Variants in SOD2 observed in about 807,000 individuals in gnomAD.
The protein encoded by SOD2 is superoxide dismutase [Mn], mitochondrial.
SOD2 carries 11 observed loss-of-function variants against 27.0 expected under a neutral mutation model. The ratio of observed to expected loss-of-function variants is 0.41; its 90% confidence interval spans 0.26 to 0.67. The LOEUF (loss-of-function observed/expected upper bound fraction) is 0.67, where lower values mean the gene tolerates loss of function less well. Ranked by LOEUF, SOD2 falls within the 30% of genes least tolerant of loss-of-function variation. The probability of loss-of-function intolerance (pLI) is 0.34; values close to 1 mark genes in which losing one functional copy is unlikely to be tolerated. For synonymous variants in SOD2, 105 were observed against 103.0 expected, an observed-to-expected ratio of 1.02 and a Z score of -0.12; for missense variants, 250 against 274.5, an observed-to-expected ratio of 0.91 and a Z score of 0.63.
intron 1 of SOD2, chr6:159,743,549 T>TA (rs1428251997): frequency 1.0e-6 from 1 of 1,001,672 alleles, no homozygotes; most frequent in East Asian, 2.7e-5. Flanking sequence ...TAAAAGTAGT[T>TA]AGGATGGAAA....
chr6:159,727,792 G>A (rs188148278), upstream of SOD2: 992 of 934,712 alleles, frequency 1.1e-3, 7 homozygotes, highest in African/African-American at 0.016. Flanking sequence ...GGTAAGGGGC[G>A]GGCAGGGCCC....
intron 1 of SOD2, among the ~76,000 whole-genome samples, chr6:159,725,047 C>T (rs1778122602): frequency 6.6e-6 from 1 of 152,148 alleles, no homozygotes; most frequent in African/African-American, 2.4e-5. Flanking sequence ...AAAGAACCAA[C>T]TTTCCCTATG....
At chr6:159,705,968 T>C (rs1164951166) in intron 1 of SOD2, among the ~76,000 whole-genome samples, 1 of 152,146 alleles carries the variant, frequency 6.6e-6, no homozygotes, top group Non-Finnish European at 1.5e-5. Flanking sequence ...ATATTCAACG[T>C]TTTTAAAGAA....
intron 2 of SOD2, chr6:159,692,305 C>G: frequency 1.2e-6 from 1 of 822,916 alleles, no homozygotes; most frequent in Non-Finnish European, 1.7e-6. Flanking sequence ...ACAACAAGAA[C>G]AATTTCAATT....
At position 159,681,158 on chromosome 6, in the gene SOD2, C is replaced by T. The variant is rs2114759363; in HGVS notation, c.*1335G>A. On this transcript the variant is annotated 3_prime_UTR_variant, in exon 5 of 5. Coordinates refer to ENST00000538183, the MANE Select transcript of SOD2 (RefSeq NM_000636.4). Reference sequence around the variant, plus strand: ...ATCCCTGTGAGACGGAGCAGGGACCCCTCTTTGGGGTGTGCCAGGGGGATT... The same window carrying T: ...ATCCCTGTGAGACGGAGCAGGGACCTCTCTTTGGGGTGTGCCAGGGGGATT... The T allele has an allele frequency of 7.0e-6, 1 of 143,270 alleles. No homozygotes were observed. The highest frequency in any genetic ancestry group is 2.2e-4 in the South Asian group (1 of 4,496). The allele number at this position is 143,270 out of a possible 1,614,324, so 8.9% of individuals were successfully genotyped here.
Position 159,675,118 on chromosome 6 carries a change from A to G in SOD2, c.*7375T>C, listed in dbSNP as rs533284256. The G allele has an allele frequency of 1.4e-4, 21 of 152,338 alleles. No individual in the cohort carries two copies. The South Asian group carries it at 4.3e-3, about 32-fold the overall frequency. The allele number at this position is 152,338 out of a possible 1,614,324, so 9.4% of individuals were successfully genotyped here. On this transcript the variant is annotated 3_prime_UTR_variant, in exon 5 of 5. Coordinates refer to ENST00000538183, the MANE Select transcript of SOD2 (RefSeq NM_000636.4). ...AAAGAGGACACAAACAAATGGAAGA[A>G]CATTCCATGCTCATGGATAGGAAGA...
chr6:159,738,096 T>G (rs1779031657), intron 1 of SOD2, among the ~76,000 whole-genome samples: 1 of 152,238 alleles, frequency 6.6e-6, no homozygotes, highest in African/African-American at 2.4e-5. Flanking sequence ...CACGTTATAC[T>G]AGCACTGTTA....
At chr6:159,721,103 T>C (rs1778031725) in intron 1 of SOD2, among the ~76,000 whole-genome samples, 1 of 151,830 alleles carries the variant, frequency 6.6e-6, no homozygotes, top group Admixed American at 6.6e-5. Context: ...AGTCTCGCTC[T>C]GTCACCCAGG....
intron 1 of SOD2, among the ~76,000 whole-genome samples, chr6:159,712,358 C>G (rs1777822323): frequency 7.2e-6 from 1 of 138,482 alleles, no homozygotes; most frequent in South Asian, 2.5e-4. Context: ...AACCACCACT[C>G]AGCTGCTCTG....
At chr6:159,700,523 A>G (rs1777505530) in intron 1 of SOD2, among the ~76,000 whole-genome samples, 2 of 151,930 alleles carry the variant, frequency 1.3e-5, no homozygotes, top group South Asian at 2.1e-4. Context: ...GTGTGGTGGC[A>G]GGCGCCTGTA....
intron 4 of SOD2, 91 bp downstream of exon 4, chr6:159,684,763 T>TTG: frequency 9.5e-7 from 1 of 1,048,410 alleles, no homozygotes; most frequent in Non-Finnish European, 1.4e-6. Flanking sequence ...TATTACATGT[T>TTG]CTTAAAACAC....
At chr6:159,749,951 C>T (rs1326218228), upstream of SOD2, among the ~76,000 whole-genome samples, 1 of 152,172 alleles carries the variant, frequency 6.6e-6, no homozygotes, top group Non-Finnish European at 1.5e-5. Flanking sequence ...CTTGTCCCAA[C>T]GTTTAAGTGC....
At chr6:159,742,134 A>G (rs781516595) in intron 1 of SOD2, 10 of 1,605,574 alleles carry the variant, frequency 6.2e-6, no homozygotes, top group African/African-American at 5.4e-5. Context: ...GGGCAAGTAC[A>G]CAGATCTTAA....
At chr6:159,721,401 T>C (rs1778038041) in intron 1 of SOD2, among the ~76,000 whole-genome samples, 2 of 144,016 alleles carry the variant, frequency 1.4e-5, no homozygotes, top group South Asian at 4.4e-4. Flanking sequence ...GGAGTTTTGC[T>C]CTCATTGCCC....
intron 1 of SOD2, chr6:159,727,126 T>G: frequency 3.3e-6 from 4 of 1,195,790 alleles, no homozygotes; most frequent in South Asian, 1.5e-5. Flanking sequence ...CCGCTTCCCT[T>G]ACTGAGCTTG....
chr6:159,711,684 A>G (rs1480192569), intron 1 of SOD2, among the ~76,000 whole-genome samples: 21 of 97,484 alleles, frequency 2.2e-4, no homozygotes, highest in Non-Finnish European at 2.5e-4. Flanking sequence ...CACCATAACC[A>G]CCTCCATAAC....
At chr6:159,741,893 C>G (rs964961811) in intron 1 of SOD2, 1 of 470,072 alleles carries the variant, frequency 2.1e-6, no homozygotes. Flanking sequence ...CGCTTGAGCC[C>G]AGACCCTGTT....
intron 1 of SOD2, among the ~76,000 whole-genome samples, chr6:159,711,201 A>AGCTG: frequency 1.3e-5 from 1 of 74,986 alleles, no homozygotes; most frequent in Non-Finnish European, 2.6e-5. Flanking sequence ...ACCACCACTC[A>AGCTG]CATTGCTCTG....
chr6:159,679,755 T>C lies in SOD2; in HGVS notation c.*2738A>G, dbSNP rs1779866753. On this transcript the variant is annotated 3_prime_UTR_variant, in exon 5 of 5. Transcript: ENST00000538183. ...CTTGTTCTTTTCAGAAGAAAAGCAATTTTACCTTTTCTATTTCTATTATGA... is the reference window on the plus strand; with the variant it reads ...CTTGTTCTTTTCAGAAGAAAAGCAACTTTACCTTTTCTATTTCTATTATGA... 2 of 152,194 alleles carry C rather than the reference T, an allele frequency of 1.3e-5. No individual in the cohort carries two copies. Among genetic ancestry groups the C allele is most frequent in the South Asian group, 4.1e-4 (2 of 4,832 alleles). 9.4% of individuals were successfully genotyped at this position (152,194 alleles called of 1,614,324 possible). A position where few individuals can be genotyped will look rare whatever the true frequency, so the allele number is the denominator to read the frequency against.
Sources: allele counts gnomAD v4.1 joint callset (sites outside exome capture counted in the v4.1 genomes callset), GRCh38; gene constraint gnomAD v4.1.1; transcripts MANE v1.5; gene names NCBI Gene and HGNC (gene_info 2026-07-23, HGNC 2026-07-21).